Variants in AGL observed in about 807,000 individuals in gnomAD.
AGL encodes glycogen debranching enzyme.
In AGL, 128 loss-of-function variants were observed where a neutral mutation model predicts 199.3. The observed-to-expected ratio is 0.64, with a 90% CI of 0.56 to 0.74. The LOEUF (loss-of-function observed/expected upper bound fraction) is 0.74. Ranked by LOEUF, AGL falls within the 30% of genes least tolerant of loss-of-function variation. The pLI is 0.00. For missense variants in AGL, 1,809 were observed against 1,820.8 expected, an observed-to-expected ratio of 0.99 and a Z score of 0.12; for synonymous variants, 584 against 594.7, an observed-to-expected ratio of 0.98 and a Z score of 0.26.
rs775498547 is a variant in AGL at position 99,902,707 on chromosome 1, C to T, written c.3613C>T (p.Gln1205Ter). 1.1e-5 allele frequency: 18 copies of T among 1,613,306 alleles called. No homozygotes were observed. Among genetic ancestry groups the T allele is most frequent in the Non-Finnish European group, 1.4e-5 (16 of 1,179,400 alleles). ...TLDQPLFEVI[Q>*]EAMQKHMQGI... is the part of the protein sequence containing the mutation. Reference sequence around the variant, plus strand: ...GGATCAGCCATTGTTTGAAGTCATACAGGAAGCAATGCAAAAACACATGCA... The same window carrying T: ...GGATCAGCCATTGTTTGAAGTCATATAGGAAGCAATGCAAAAACACATGCA... The change falls in exon 27 of 34, where the codon CAG becomes TAG. Residue 1205 changes from glutamine to a stop codon, truncating the protein, a stop_gained. Transcript: ENST00000361915. LOFTEE classifies it high-confidence loss of function.
chr1:99,900,938 A>T, intron 26 of AGL, 77 bp downstream of exon 26: 2 of 1,268,846 alleles, frequency 1.6e-6, no homozygotes. Context: ...TAATGTAAAA[A>T]TAAGGGTAAT....
chr1:99,898,024 C>T (rs1056671186), intron 25 of AGL, among the ~76,000 whole-genome samples: 1 of 151,878 alleles, frequency 6.6e-6, no homozygotes, highest in African/African-American at 2.4e-5. Context: ...TTTTGTATGG[C>T]CTATGAGCAA....
At chr1:99,887,929 C>T (rs1439684668) in intron 20 of AGL, 49 bp from the exon 21 acceptor site, 2 of 1,602,320 alleles carry the variant, frequency 1.2e-6, no homozygotes, top group Admixed American at 1.7e-5. Context: ...TTTCTATTGA[C>T]AACAAGCGAA....
At chr1:99,861,281 A>G in intron 2 of AGL, 1 of 1,394,406 alleles carries the variant, frequency 7.2e-7, no homozygotes, top group South Asian at 1.5e-5. Flanking sequence ...AGAAAGAGAC[A>G]TTACAGAGCA....
At chr1:99,880,832 A>G (rs1429369465) in intron 14 of AGL, 37 bp downstream of exon 14, 1 of 1,607,532 alleles carries the variant, frequency 6.2e-7, no homozygotes, top group Admixed American at 1.7e-5. Context: ...TTATTTTGCT[A>G]AATGCTTTGA....
At chr1:99,878,383 A>T (rs976917161) in intron 12 of AGL, among the ~76,000 whole-genome samples, 2 of 151,974 alleles carry the variant, frequency 1.3e-5, no homozygotes, top group Admixed American at 6.5e-5. Flanking sequence ...AAAAATAAAC[A>T]TTAACATTAT....
chr1:99,872,017 T>G (rs183168520), intron 7 of AGL, among the ~76,000 whole-genome samples: 2 of 152,140 alleles, frequency 1.3e-5, no homozygotes, highest in East Asian at 1.9e-4. Context: ...TTTTTACACA[T>G]GCAAATAAGA....
At chr1:99,906,245 T>A (rs1419389306) in intron 27 of AGL, among the ~76,000 whole-genome samples, 1 of 152,218 alleles carries the variant, frequency 6.6e-6, no homozygotes, top group Non-Finnish European at 1.5e-5. Context: ...TGCCCTTTTG[T>A]ACCTGGCTTA....
chr1:99,878,697 T>TA (rs1357701210), intron 12 of AGL, among the ~76,000 whole-genome samples: 1 of 152,078 alleles, frequency 6.6e-6, no homozygotes, highest in South Asian at 2.1e-4. Flanking sequence ...TGTGCTTACC[T>TA]AAAAAATGTC....
intron 20 of AGL, 149 bp from the exon 21 acceptor site, chr1:99,887,829 G>A (rs541429004): frequency 1.3e-5 from 10 of 769,542 alleles, no homozygotes; most frequent in Admixed American, 1.0e-4. Flanking sequence ...TACTTAAAAT[G>A]TATGAGTATA....
At chr1:99,879,242 A>T (rs982601649) in intron 12 of AGL, among the ~76,000 whole-genome samples, 8 of 152,194 alleles carry the variant, frequency 5.3e-5, no homozygotes, top group African/African-American at 1.9e-4. Flanking sequence ...GAATTTATGA[A>T]TAATTATTTA....
chr1:99,867,536 G>A (rs1273700021), intron 5 of AGL, among the ~76,000 whole-genome samples: 3 of 151,814 alleles, frequency 2.0e-5, no homozygotes, highest in African/African-American at 2.4e-5. Flanking sequence ...TCTTGCAGAA[G>A]TTCTTTTTTT....
rs184197657 is a variant in AGL, at chr1:99,879,234, A to T, written c.1612-689A>T. Among the ~76,000 whole-genome samples, 473 of 152,308 alleles carry T rather than the reference A, an allele frequency of 3.1e-3. 3 individuals are homozygous for T. Among genetic ancestry groups the T allele is most frequent in the African/African-American group, 0.011 (454 of 41,572 alleles). The stretch of plus-strand genomic sequence containing the variant: ...CAGCTAAGTAATTCACCAGCAGGGA[A>T]TTTATGAATAATTATTTAGTCAACC... On this transcript the variant is annotated intron_variant, in intron 12 of 33. Transcript: ENST00000361915.
intron 33 of AGL, among the ~76,000 whole-genome samples, chr1:99,918,362 A>C (rs186806355): frequency 4.0e-4 from 61 of 152,166 alleles, no homozygotes; most frequent in Non-Finnish European, 7.8e-4. Flanking sequence ...TGTTTTGAAC[A>C]TGTGGAATAT....
At chr1:99,894,214 T>C (rs1480988197) in intron 24 of AGL, among the ~76,000 whole-genome samples, 1 of 152,054 alleles carries the variant, frequency 6.6e-6, no homozygotes, top group Non-Finnish European at 1.5e-5. Context: ...TGTAGCCTGT[T>C]CTAATAATTG....
chr1:99,868,808 C>T (rs763941958), intron 5 of AGL, among the ~76,000 whole-genome samples: 3 of 148,578 alleles, frequency 2.0e-5, no homozygotes, highest in Non-Finnish European at 4.4e-5. Flanking sequence ...TGAATGAGAG[C>T]AGCATTGGTA....
In AGL at chr1:99,870,536, A is replaced by C; in HGVS notation, c.801A>C (p.Lys267Asn). The C allele has an allele frequency of 1.2e-6, 2 of 1,614,086 alleles. No individual in the cohort carries two copies. Among genetic ancestry groups the C allele is most frequent in the Non-Finnish European group, 1.7e-6 (2 of 1,179,976 alleles). Residue 267 changes from lysine (K) to asparagine (N), a missense_variant, in exon 6 of 34, where the codon AAA becomes AAC. By Grantham distance (94) the Lys-to-Asn change is moderately conservative (BLOSUM62 0). Coordinates refer to ENST00000361915, the MANE Select transcript of AGL (RefSeq NM_000642.3). ...GTGATGTTGCAGAAGGGAAATACAA[A>C]GAAAAGGGAATACCTGCTTTGATTG... ...FSCDVAEGKY[K>N]EKGIPALIEN...
intron 7 of AGL, among the ~76,000 whole-genome samples, chr1:99,873,201 A>G (rs1651177790): frequency 6.6e-6 from 1 of 152,060 alleles, no homozygotes; most frequent in Non-Finnish European, 1.5e-5. Context: ...TATAAAGAAG[A>G]TATTTAACTT....
intron 5 of AGL, among the ~76,000 whole-genome samples, chr1:99,867,777 A>G (rs1016382046): frequency 2.0e-5 from 3 of 151,946 alleles, no homozygotes; most frequent in Non-Finnish European, 2.9e-5. Context: ...GTTCGTCTCA[A>G]TCCACCCTGC....
Sources: gnomAD v4.1 joint callset for allele counts (sites outside exome capture counted in the v4.1 genomes callset) on GRCh38, gnomAD v4.1.1 for gene constraint, MANE v1.5 for transcripts, NCBI Gene and HGNC (gene_info 2026-07-23, HGNC 2026-07-21) for gene names.